BBX: variants seen among roughly 807,000 people sequenced by gnomAD.
BBX encodes BBX high mobility group box domain containing.
A neutral mutation model predicts 100.2 loss-of-function variants in BBX; 30 were observed. The observed-to-expected ratio is 0.30, with a 90% CI of 0.22 to 0.41. BBX has a LOEUF of 0.41. Among genes scored for constraint, BBX ranks in the 10% least tolerant of loss-of-function variants. BBX has a pLI of 1.00. For missense variants in BBX, 1,023 were observed against 1,129.8 expected (o/e 0.91, Z 1.35); for synonymous variants, 376 against 388.1 (o/e 0.97, Z 0.37).
chr3:107,576,441 A>G (rs911311186), intron 2 of BBX, among the ~76,000 whole-genome samples: 14 of 152,290 alleles, frequency 9.2e-5, no homozygotes, highest in Admixed American at 3.3e-4. Flanking sequence ...GAAAATTATC[A>G]TCGGTTTATT....
chr3:107,538,758 A>G (rs974388739), intron 2 of BBX, among the ~76,000 whole-genome samples: 11 of 152,130 alleles, frequency 7.2e-5, no homozygotes, highest in Non-Finnish European at 1.0e-4. Context: ...GATCAGAGGA[A>G]CACAGTACTA....
chr3:107,734,572 C>T (rs1055531689), intron 7 of BBX, among the ~76,000 whole-genome samples: 2 of 152,162 alleles, frequency 1.3e-5, no homozygotes, highest in African/African-American at 4.8e-5. Context: ...ATGTCTGACT[C>T]AATATGATTC....
At chr3:107,772,342 C>T (rs1281406454) in intron 10 of BBX, among the ~76,000 whole-genome samples, 1 of 152,130 alleles carries the variant, frequency 6.6e-6, no homozygotes, top group African/African-American at 2.4e-5. Context: ...CTCTGAATCC[C>T]TTCCTCCTTC....
chr3:107,586,008 A>G (rs1170540427), intron 2 of BBX, among the ~76,000 whole-genome samples: 1 of 152,162 alleles, frequency 6.6e-6, no homozygotes, highest in Non-Finnish European at 1.5e-5. Context: ...TGAGTTTTAA[A>G]TATGTTTTCT....
chr3:107,796,515 G>T (rs1384606187), intron 15 of BBX, among the ~76,000 whole-genome samples: 1 of 152,198 alleles, frequency 6.6e-6, no homozygotes, highest in Non-Finnish European at 1.5e-5. Flanking sequence ...GACAGCTGAT[G>T]GATCTGGATA....
chr3:107,532,842 T>G (rs1195477539), intron 2 of BBX, among the ~76,000 whole-genome samples: 2 of 152,370 alleles, frequency 1.3e-5, no homozygotes, highest in Admixed American at 6.5e-5. Flanking sequence ...TTTGCTAAAT[T>G]TTAATTTGCC....
intron 3 of BBX, among the ~76,000 whole-genome samples, chr3:107,648,127 A>G (rs755361609): frequency 1.3e-5 from 2 of 152,328 alleles, no homozygotes; most frequent in South Asian, 2.1e-4. Context: ...CAGAATGCAC[A>G]TAATGTATTA....
At chr3:107,636,696 T>TA (rs2056870746) in intron 2 of BBX, among the ~76,000 whole-genome samples, 2 of 152,340 alleles carry the variant, frequency 1.3e-5, no homozygotes, top group East Asian at 3.9e-4. Context: ...GGATAACCCT[T>TA]ATGTCTACCA....
intron 2 of BBX, among the ~76,000 whole-genome samples, chr3:107,637,677 G>A (rs558978220): frequency 2.0e-5 from 3 of 152,304 alleles, no homozygotes; most frequent in Admixed American, 2.0e-4. Flanking sequence ...TCCTACAAGG[G>A]CAGCAGTGTG....
At chr3:107,600,301 C>T (rs2053974863) in intron 2 of BBX, among the ~76,000 whole-genome samples, 1 of 152,122 alleles carries the variant, frequency 6.6e-6, no homozygotes, top group East Asian at 1.9e-4. Context: ...TACTAAGAAG[C>T]CACATTGTTC....
intron 2 of BBX, among the ~76,000 whole-genome samples, chr3:107,615,935 G>A (rs931885955): frequency 1.3e-5 from 2 of 148,440 alleles, no homozygotes; most frequent in African/African-American, 5.0e-5. Flanking sequence ...ACCTTGGCCT[G>A]AGGCCCTTCA....
intron 2 of BBX, among the ~76,000 whole-genome samples, chr3:107,639,986 C>T (rs2057092632): frequency 6.6e-6 from 1 of 152,086 alleles, no homozygotes; most frequent in Admixed American, 6.5e-5. Flanking sequence ...GCTTTTCTAC[C>T]CCTTAGTTTT....
Position 107,773,039 on chromosome 3 carries a change from G to T in BBX, c.1318G>T (p.Asp440Tyr). ...TCCTCATGGAATTATGATCATTGAG[G>T]ATCCCGCAGCATTAAACAAGCCAGA... The part of the protein sequence containing the change: ...CHPHGIMIIE[D>Y]PAALNKPEKL... The change falls in exon 11 of 18, where the codon GAT becomes TAT. Residue 440 changes from aspartate (D) to tyrosine (Y), a missense_variant. Physicochemically the swap from Asp to Tyr is radical, Grantham distance 160 (BLOSUM62 -3). Transcript: ENST00000325805. This position sits in a 1 kb window ranked among gnomAD's most constrained non-coding sequence, Gnocchi z 4.1. The T allele has an allele frequency of 6.2e-7, 1 of 1,613,946 alleles. No individual in the cohort carries two copies. Among genetic ancestry groups the T allele is most frequent in the Non-Finnish European group, 8.5e-7 (1 of 1,179,976 alleles).
chr3:107,650,702 T>A (rs1272472640), intron 3 of BBX, among the ~76,000 whole-genome samples: 1 of 152,242 alleles, frequency 6.6e-6, no homozygotes, highest in Non-Finnish European at 1.5e-5. Context: ...TATTAGTTGC[T>A]TATTCACCTG....
intron 3 of BBX, among the ~76,000 whole-genome samples, chr3:107,659,056 T>TGTTTAATAAA (rs1402830022): frequency 6.6e-6 from 1 of 152,066 alleles, no homozygotes; most frequent in Non-Finnish European, 1.5e-5. Context: ...GATCACTACT[T>TGTTTAATAAA]TCCATTTGTT....
chr3:107,751,524 G>C (rs2107650438), intron 9 of BBX, among the ~76,000 whole-genome samples: 1 of 152,010 alleles, frequency 6.6e-6, no homozygotes, highest in South Asian at 2.1e-4. Context: ...AAAATGTTTT[G>C]TTTGTTTTGA....
intron 7 of BBX, among the ~76,000 whole-genome samples, chr3:107,737,539 G>A (rs146188252): frequency 2.7e-4 from 41 of 152,246 alleles, no homozygotes; most frequent in East Asian, 1.5e-3. Flanking sequence ...TGTAAAGGTC[G>A]TGTTCTCTGA....
chr3:107,803,076 T>C (rs1457870060), intron 17 of BBX, among the ~76,000 whole-genome samples: 1 of 152,370 alleles, frequency 6.6e-6, no homozygotes, highest in East Asian at 1.9e-4. Flanking sequence ...CCAGCTTGCT[T>C]AGTTCCTGTT....
intron 2 of BBX, among the ~76,000 whole-genome samples, chr3:107,610,950 T>C (rs1472531245): frequency 1.3e-5 from 2 of 152,106 alleles, no homozygotes; most frequent in African/African-American, 2.4e-5. Context: ...CTTTTCGTCT[T>C]CCTTTTAGTG....
Sources: gnomAD v4.1 joint callset for allele counts (sites outside exome capture counted in the v4.1 genomes callset) on GRCh38, gnomAD v4.1.1 for gene constraint, Gnocchi (gnomAD v3.1) non-coding constraint, MANE v1.5 for transcripts, NCBI Gene and HGNC (gene_info 2026-07-23, HGNC 2026-07-21) for gene names.